The following SAMMSON variants were observed in gnomAD, a reference collection of about 807,000 sequenced individuals.
SAMMSON encodes the protein long intergenic non-protein coding RNA 1212.
At chr3:70,194,889 G>A (rs1245610036) in intron 4 of SAMMSON, among the ~76,000 whole-genome samples, 1 of 152,174 alleles carries the variant, frequency 6.6e-6, no homozygotes, top group African/African-American at 2.4e-5. Context: ...CACGGGTAGA[G>A]GGGTGGGTGC....
intron 1 of SAMMSON, among the ~76,000 whole-genome samples, chr3:70,004,446 G>A (rs1317450400): frequency 6.6e-6 from 1 of 152,078 alleles, no homozygotes; most frequent in Non-Finnish European, 1.5e-5. Flanking sequence ...TTATTATTCT[G>A]TAGGTGCAAT....
At chr3:70,100,533 G>GAAGAAAAA (rs2067340344) in intron 4 of SAMMSON, among the ~76,000 whole-genome samples, 3 of 149,348 alleles carry the variant, frequency 2.0e-5, no homozygotes, top group African/African-American at 5.0e-5. Context: ...GGGGGGGGGG[G>GAAGAAAAA]AAGCACCAAA....
At chr3:70,115,565 G>A (rs926772410) in intron 4 of SAMMSON, among the ~76,000 whole-genome samples, 1 of 152,092 alleles carries the variant, frequency 6.6e-6, no homozygotes, top group African/African-American at 2.4e-5. Context: ...AAGGGCCAAC[G>A]TGGATTCTCT....
chr3:70,245,710 TATATAC>T (rs1701700846), intron 4 of SAMMSON, among the ~76,000 whole-genome samples: 1 of 132,154 alleles, frequency 7.6e-6, no homozygotes, highest in South Asian at 2.4e-4. Context: ...TATATATATA[TATATAC>T]ACATTCAAAT....
chr3:70,153,597 A>G (rs1478724399), intron 4 of SAMMSON, among the ~76,000 whole-genome samples: 1 of 152,078 alleles, frequency 6.6e-6, no homozygotes, highest in Non-Finnish European at 1.5e-5. Flanking sequence ...ACCGAAAGTA[A>G]TCTTGTAATC....
intron 4 of SAMMSON, among the ~76,000 whole-genome samples, chr3:70,239,266 T>G (rs567522545): frequency 6.6e-6 from 1 of 152,188 alleles, no homozygotes; most frequent in East Asian, 1.9e-4. Context: ...TTTCAAAGAT[T>G]GTTTTAAAAA....
At chr3:70,372,907 A>G (rs1274156129) in intron 9 of SAMMSON, among the ~76,000 whole-genome samples, 2 of 152,140 alleles carry the variant, frequency 1.3e-5, no homozygotes, top group Admixed American at 6.6e-5. Flanking sequence ...AAATTTAGGT[A>G]CCTTACCTCC....
chr3:70,183,677 C>T (rs909127248), intron 4 of SAMMSON: 2 of 152,116 alleles, frequency 1.3e-5, no homozygotes, highest in African/African-American at 2.4e-5. Context: ...AGAAAAGTAG[C>T]GCCAGCTTGA....
At chr3:70,098,373 T>C (rs889002081) in intron 4 of SAMMSON, among the ~76,000 whole-genome samples, 2 of 152,084 alleles carry the variant, frequency 1.3e-5, no homozygotes, top group African/African-American at 4.8e-5. Context: ...TTCTTTTTTC[T>C]TTCTTTTTTT....
chr3:70,009,298 T>C (rs2066943661), intron 1 of SAMMSON: 1 of 152,160 alleles, frequency 6.6e-6, no homozygotes, highest in Non-Finnish European at 1.5e-5. Flanking sequence ...AAGCTATTAA[T>C]TATTGCCTCA....
chr3:70,409,683 T>C (rs1701203174), intron 2 of SAMMSON, among the ~76,000 whole-genome samples: 2 of 152,284 alleles, frequency 1.3e-5, no homozygotes, highest in South Asian at 4.2e-4. Context: ...TAAGGCACAA[T>C]TGATATAGTA....
chr3:70,051,954 C>T (rs976962400), intron 3 of SAMMSON, among the ~76,000 whole-genome samples: 1 of 151,782 alleles, frequency 6.6e-6, no homozygotes, highest in East Asian at 2.0e-4. Flanking sequence ...AAAAAGTAAC[C>T]AGGCATGGTG....
At chr3:70,101,498 C>G (rs2067345899) in intron 4 of SAMMSON, among the ~76,000 whole-genome samples, 1 of 151,938 alleles carries the variant, frequency 6.6e-6, no homozygotes, top group Non-Finnish European at 1.5e-5. Flanking sequence ...CTGGATGAGG[C>G]CATCCCAAGT....
At chr3:70,242,305 A>G (rs1176285828) in intron 4 of SAMMSON, among the ~76,000 whole-genome samples, 1 of 152,156 alleles carries the variant, frequency 6.6e-6, no homozygotes, top group East Asian at 1.9e-4. Context: ...GGTGGGAAAA[A>G]CACATAGTGA....
chr3:70,331,185 G>GT (rs1257567447), intron 7 of SAMMSON, among the ~76,000 whole-genome samples: 3 of 152,088 alleles, frequency 2.0e-5, no homozygotes, highest in Non-Finnish European at 4.4e-5. Context: ...AATCTCTTCT[G>GT]TAACATTATG....
At chr3:70,375,021 G>A (rs1300857213) in intron 9 of SAMMSON, among the ~76,000 whole-genome samples, 1 of 152,078 alleles carries the variant, frequency 6.6e-6, no homozygotes, top group Non-Finnish European at 1.5e-5. Context: ...AACTCACAGG[G>A]CCCGTATGTT....
At chr3:70,298,486 A>G (rs748522155) in intron 7 of SAMMSON, among the ~76,000 whole-genome samples, 30 of 152,142 alleles carry the variant, frequency 2.0e-4, no homozygotes, top group Non-Finnish European at 4.4e-4. Flanking sequence ...TCTCATAAAT[A>G]TGAATGAAGC....
intron 7 of SAMMSON, among the ~76,000 whole-genome samples, chr3:70,296,908 T>C (rs933333286): frequency 6.6e-6 from 1 of 152,028 alleles, no homozygotes; most frequent in African/African-American, 2.4e-5. Context: ...AGAGTAAACT[T>C]TCATATGGCT....
chr3:70,194,087 T>A (rs996294781), intron 4 of SAMMSON, among the ~76,000 whole-genome samples: 1 of 152,242 alleles, frequency 6.6e-6, no homozygotes, highest in Non-Finnish European at 1.5e-5. Flanking sequence ...CTTTCCATAT[T>A]TTGTCGGCTT....
Sources: gnomAD v4.1 joint callset for allele counts (sites outside exome capture counted in the v4.1 genomes callset) on GRCh38, gnomAD v4.1.1 for gene constraint, MANE v1.5 for transcripts, NCBI Gene and HGNC (gene_info 2026-07-23, HGNC 2026-07-21) for gene names.